Variants in SIN3B observed in about 807,000 individuals in gnomAD.
The protein encoded by SIN3B is paired amphipathic helix protein Sin3b.
Under a neutral mutation model 120.2 loss-of-function variants are expected in SIN3B, and 19 were observed. The observed-to-expected ratio is 0.16, with a 90% confidence interval of 0.11 to 0.23. The LOEUF is 0.23. Among genes scored for constraint, SIN3B ranks in the 10% least tolerant of loss-of-function variants. The pLI, the probability that SIN3B is intolerant of heterozygous loss-of-function variation, is 1.00. For synonymous variants in SIN3B, 654 were observed against 653.2 expected (o/e 1.00, Z -0.02); for missense variants, 1,073 against 1,573.0 (o/e 0.68, Z 5.38).
intron 3 of SIN3B, among the ~76,000 whole-genome samples, chr19:16,840,094 G>C (rs180699439): frequency 9.0e-4 from 137 of 152,268 alleles, no homozygotes; most frequent in African/African-American, 3.2e-3. Context: ...TCTCAGCTGA[G>C]ACTTTCTAGA....
chr19:16,870,382 T>C (rs549483477), intron 13 of SIN3B, among the ~76,000 whole-genome samples: 1 of 138,562 alleles, frequency 7.2e-6, no homozygotes, highest in African/African-American at 2.7e-5. Flanking sequence ...GTACCCTTTT[T>C]CTTTCTTTTT....
At chr19:16,858,073 C>T (rs1300470116) in intron 8 of SIN3B, among the ~76,000 whole-genome samples, 1 of 152,060 alleles carries the variant, frequency 6.6e-6, no homozygotes, top group Non-Finnish European at 1.5e-5. Context: ...GACAGAGTTT[C>T]GCCATGTTGG....
At chr19:16,853,291 G>A in intron 7 of SIN3B, 133 bp downstream of exon 7, 1 of 763,650 alleles carries the variant, frequency 1.3e-6, no homozygotes, top group Non-Finnish European at 2.2e-6. Flanking sequence ...ATCCGGCGGG[G>A]CTGGCCCCCA....
chr19:16,871,991 G>A (rs369145262), intron 14 of SIN3B, among the ~76,000 whole-genome samples: 3 of 152,182 alleles, frequency 2.0e-5, no homozygotes, highest in African/African-American at 4.8e-5. Flanking sequence ...TTTCATCTGC[G>A]TTGGTTTTAG....
intron 4 of SIN3B, among the ~76,000 whole-genome samples, chr19:16,842,921 C>T (rs1054256227): frequency 6.6e-6 from 1 of 152,144 alleles, no homozygotes; most frequent in Admixed American, 6.5e-5. Context: ...CCAGGAATGG[C>T]CTGTGCAAAG....
intron 3 of SIN3B, among the ~76,000 whole-genome samples, chr19:16,839,228 A>C (rs1460092434): frequency 1.3e-5 from 2 of 152,158 alleles, no homozygotes; most frequent in Admixed American, 1.3e-4. Flanking sequence ...TCAACCTCCC[A>C]AAGTGCTAGA....
Position 16,878,687 on chromosome 19 carries a change from G to T in SIN3B, c.3353G>T (p.Arg1118Leu). Residue 1118 changes from arginine to leucine, a missense_variant, in exon 19 of 19, where the codon CGC becomes CTC. Around this residue, in one of 7 missense-constraint regions of SIN3B, gnomAD observed 311 missense variants for 400.3 expected, o/e 0.78. Coordinates refer to ENST00000248054, the MANE Select transcript of SIN3B (RefSeq NM_001297595.2). ...CACGTGCACGGCCTGCCCGTGACCC[G>T]CTACCGCGTGCAGTACAGCCGCCGC... ...TVHVHGLPVTRYRVQYSRRPA... is the reference protein window; with the variant it reads ...TVHVHGLPVTLYRVQYSRRPA... 6.2e-7 allele frequency: 1 copy of T among 1,611,450 alleles called. No homozygotes were observed.
chr19:16,865,381 C>T (rs1454012055), intron 10 of SIN3B, 29 bp from the exon 11 acceptor site: 7 of 1,407,616 alleles, frequency 5.0e-6, no homozygotes, highest in South Asian at 2.3e-5. Context: ...TCCCCAGTGG[C>T]TGACCCCGTC....
chr19:16,875,546 G>C (rs1357217051), intron 14 of SIN3B, among the ~76,000 whole-genome samples: 2 of 136,914 alleles, frequency 1.5e-5, no homozygotes, highest in African/African-American at 5.6e-5. Context: ...GTTTGGTCTG[G>C]TCTGTTTGGT....
intron 6 of SIN3B, 29 bp from the exon 7 acceptor site, chr19:16,853,038 AGT>A (rs1404892521): frequency 6.3e-7 from 1 of 1,582,290 alleles, no homozygotes; most frequent in Admixed American, 1.7e-5. Flanking sequence ...TGGGAGGCAC[AGT>A]GTTAACTGCA....
intron 2 of SIN3B, 84 bp from the exon 3 acceptor site, chr19:16,831,410 G>A (rs1568410504): frequency 4.4e-6 from 6 of 1,366,870 alleles, no homozygotes; most frequent in Non-Finnish European, 6.1e-6. Context: ...GTTTTTATGT[G>A]GCAGTATCAA....
Position 16,873,500 on chromosome 19 carries a change from A to G in SIN3B, c.2592+2102A>G, listed in dbSNP as rs2608720. Among the ~76,000 whole-genome samples, 1,011 of 149,646 alleles carry G rather than the reference A, an allele frequency of 6.8e-3. 11 individuals carry two copies. Among genetic ancestry groups the G allele is most frequent in the African/African-American group, 0.024 (956 of 40,310 alleles). On this transcript the variant is annotated intron_variant, in intron 14 of 18. Transcript: ENST00000248054. ...TTGGGGAAGTGACGCAGGGGACGCCAGGGGGCTGGCAGTCTGTCCCCTCCC... is the reference window on the plus strand; with the variant it reads ...TTGGGGAAGTGACGCAGGGGACGCCGGGGGGCTGGCAGTCTGTCCCCTCCC...
intron 3 of SIN3B, among the ~76,000 whole-genome samples, chr19:16,834,665 A>C (rs1357469266): frequency 1.3e-5 from 2 of 152,164 alleles, no homozygotes; most frequent in African/African-American, 4.8e-5. Context: ...CTGGGAGCCC[A>C]CTGGCTTCCA....
rs1749402701 is a variant in SIN3B, at chr19:16,878,247, A to G, written c.3019A>G (p.Arg1007Gly). The G allele has an allele frequency of 1.2e-6, 2 of 1,600,716 alleles. No homozygotes were observed. Among genetic ancestry groups the G allele is most frequent in the Non-Finnish European group, 1.7e-6 (2 of 1,173,898 alleles). The change falls in exon 18 of 19, where the codon AGG (arginine) becomes GGG (glycine). Residue 1007 changes from arginine to glycine, a missense_variant. This residue lies in a region of SIN3B where 311 missense variants were observed against 400.3 expected (regional missense o/e 0.78). Transcript: ENST00000248054. ...GGCGCGGGCCCTGCGCGGTGAGGCC[A>G]GGAGCTCCTGGAAGCGGCTGGTGGG... ...EQARALRGEARSSWKRLVGVE... is the reference protein window; with the variant it reads ...EQARALRGEAGSSWKRLVGVE...
intron 3 of SIN3B, 55 bp from the exon 4 acceptor site, chr19:16,841,713 T>C: frequency 6.5e-7 from 1 of 1,544,406 alleles, no homozygotes; most frequent in Non-Finnish European, 8.9e-7. Flanking sequence ...CCTGGTGTTT[T>C]TCACAATCTG....
chr19:16,872,128 GA>G (rs2051519539), intron 14 of SIN3B, among the ~76,000 whole-genome samples: 1 of 152,012 alleles, frequency 6.6e-6, no homozygotes, highest in African/African-American at 2.4e-5. Context: ...GTTTCTGCCA[GA>G]ATCATTGTTC....
rs145861991 is a variant in SIN3B at position 16,848,474 on chromosome 19, G to A, written c.726+1361G>A. On this transcript the variant is annotated intron_variant, in intron 5 of 18. Coordinates refer to ENST00000248054, the MANE Select transcript of SIN3B (RefSeq NM_001297595.2). ...TTTTGTTTTTAGTAGCCATCAGTGT[G>A]TGAAGTTTTATTGCATTAAGGTTTG... Among the ~76,000 whole-genome samples the A allele has an allele frequency of 2.8e-4, 40 of 145,214 alleles. No individual in the cohort carries two copies. The East Asian group carries it at 3.4e-3, about 12-fold the overall frequency.
At chr19:16,864,100 C>A (rs1971727463) in intron 10 of SIN3B, among the ~76,000 whole-genome samples, 1 of 152,138 alleles carries the variant, frequency 6.6e-6, no homozygotes, top group African/African-American at 2.4e-5. Context: ...TTGAGACCAG[C>A]CTGGGCAACA....
chr19:16,840,217 T>C (rs1971399887), intron 3 of SIN3B, among the ~76,000 whole-genome samples: 1 of 152,070 alleles, frequency 6.6e-6, no homozygotes, highest in Non-Finnish European at 1.5e-5. Context: ...CGTGACTGTA[T>C]TTGGAGATGG....
Sources: allele counts gnomAD v4.1 joint callset (sites outside exome capture counted in the v4.1 genomes callset), GRCh38; gene constraint gnomAD v4.1.1; regional missense constraint gnomAD v4.1.1; transcripts MANE v1.5; gene names NCBI Gene and HGNC (gene_info 2026-07-23, HGNC 2026-07-21).